The following ILRUN variants were observed in gnomAD, a reference collection of about 807,000 sequenced individuals.
ILRUN encodes protein ILRUN.
ILRUN carries 3 observed loss-of-function variants against 33.8 expected under a neutral mutation model. The ratio of observed to expected loss-of-function variants is 0.09; its 90% confidence interval spans 0.04 to 0.23. ILRUN has a LOEUF of 0.23. Ranked by LOEUF, ILRUN falls within the 10% of genes least tolerant of loss-of-function variation. The probability of loss-of-function intolerance (pLI) is 1.00; values close to 1 mark genes in which losing one functional copy is unlikely to be tolerated. For synonymous variants in ILRUN, 124 were observed against 138.9 expected (o/e 0.89, Z 0.75); for missense variants, 210 against 375.1 (o/e 0.56, Z 3.64).
chr6:34,695,026 G>C (rs1387894046), intron 1 of ILRUN, among the ~76,000 whole-genome samples: 2 of 136,424 alleles, frequency 1.5e-5, no homozygotes, highest in Non-Finnish European at 3.0e-5. Context: ...ACTCCAGCCT[G>C]AGCGACAGAG....
At chr6:34,596,037 C>T (rs1761392863) in intron 4 of ILRUN, 3 of 666,720 alleles carry the variant, frequency 4.5e-6, no homozygotes, top group Admixed American at 1.3e-4. Context: ...GCCCTGCTCA[C>T]AGGCCTGGCC....
chr6:34,624,459 G>C (rs546262335), intron 3 of ILRUN, among the ~76,000 whole-genome samples: 2 of 152,136 alleles, frequency 1.3e-5, no homozygotes, highest in African/African-American at 4.8e-5. Context: ...AAGTAGCTGG[G>C]ATTGCAGGCA....
chr6:34,591,885 G>A (rs1761301010), intron 4 of ILRUN, among the ~76,000 whole-genome samples: 3 of 152,080 alleles, frequency 2.0e-5, no homozygotes, highest in East Asian at 1.9e-4. Flanking sequence ...TTCTTCCCAC[G>A]CTAGCTCTCC....
intron 3 of ILRUN, among the ~76,000 whole-genome samples, chr6:34,645,614 C>T (rs1762550464): frequency 6.6e-6 from 1 of 152,168 alleles, no homozygotes; most frequent in Non-Finnish European, 1.5e-5. Context: ...TCATGCAATT[C>T]TCCCACTTCA....
At chr6:34,677,029 G>T (rs946603396) in intron 1 of ILRUN, among the ~76,000 whole-genome samples, 3 of 151,772 alleles carry the variant, frequency 2.0e-5, no homozygotes, top group Admixed American at 1.3e-4. Context: ...ATTGAAGGCT[G>T]GGCACAGTGG....
intron 3 of ILRUN, among the ~76,000 whole-genome samples, chr6:34,608,936 A>C (rs1761688267): frequency 2.0e-5 from 3 of 152,220 alleles, no homozygotes; most frequent in Admixed American, 2.0e-4. Flanking sequence ...GAAGGTTTTC[A>C]AAAAGCAAAA....
chr6:34,623,069 G>A (rs1347232654), intron 3 of ILRUN, among the ~76,000 whole-genome samples: 1 of 152,184 alleles, frequency 6.6e-6, no homozygotes, highest in African/African-American at 2.4e-5. Context: ...TAGAATGGCG[G>A]TTTCCAATGG....
At chr6:34,694,716 TTAAAGA>T (rs1272798919) in intron 1 of ILRUN, among the ~76,000 whole-genome samples, 1 of 151,982 alleles carries the variant, frequency 6.6e-6, no homozygotes, top group Non-Finnish European at 1.5e-5. Flanking sequence ...ATAATTGACC[TTAAAGA>T]TAAAATAGTA....
chr6:34,592,963 G>A lies in ILRUN; in HGVS notation c.862-2363C>T, dbSNP rs1232204736. On this transcript the variant is annotated intron_variant, in intron 4 of 4. Transcript: ENST00000374023. The surrounding 1 kb of genome is among the most constrained non-coding windows in gnomAD (Gnocchi z 4.0). Reference sequence around the variant, plus strand: ...CCCAGGCGGGAGAACTGCTTGAGGTGAGGAGTTAGGAGATCAGTATGGGTA... The same window carrying A: ...CCCAGGCGGGAGAACTGCTTGAGGTAAGGAGTTAGGAGATCAGTATGGGTA... 6.6e-6 allele frequency among the ~76,000 whole-genome samples: 1 copy of A among 152,154 alleles called. No individual in the cohort carries two copies. The highest frequency in any genetic ancestry group is 2.4e-5 in the African/African-American group (1 of 41,436).
At chr6:34,682,041 C>CTTTTTTTTTTTTTTT (rs552894159) in intron 1 of ILRUN, among the ~76,000 whole-genome samples, 5 of 90,560 alleles carry the variant, frequency 5.5e-5, no homozygotes, top group East Asian at 3.8e-4. Flanking sequence ...TATTTTTTTA[C>CTTTTTTTTTTTTTTT]TTTTTTTTTT....
chr6:34,628,490 G>A (rs1439184842), intron 3 of ILRUN, among the ~76,000 whole-genome samples: 2 of 151,880 alleles, frequency 1.3e-5, no homozygotes, highest in African/African-American at 2.4e-5. Context: ...CTGCCACCAC[G>A]CCTGGCTAAT....
chr6:34,645,148 A>G (rs982914390), intron 3 of ILRUN, among the ~76,000 whole-genome samples: 1 of 152,078 alleles, frequency 6.6e-6, no homozygotes, highest in African/African-American at 2.4e-5. Flanking sequence ...TCTAGAAACA[A>G]CTCCAAAGTT....
chr6:34,696,619 C>G lies in ILRUN; in HGVS notation c.-16G>C, dbSNP rs775316658. 5 of 1,579,740 alleles carry G rather than the reference C, an allele frequency of 3.2e-6. No individual in the cohort carries two copies. Among genetic ancestry groups the G allele is most frequent in the Non-Finnish European group, 4.3e-6 (5 of 1,166,370 alleles). ...TGCCCTCCATGGCGGGGACCGGACA[C>G]CCGCTTCCCCGCCTCTTCACAACCA... is the stretch of plus-strand genomic sequence containing the variant. On this transcript the variant is annotated 5_prime_UTR_variant, in exon 1 of 5. Coordinates refer to ENST00000374023, the MANE Select transcript of ILRUN (RefSeq NM_024294.4).
intron 2 of ILRUN, among the ~76,000 whole-genome samples, chr6:34,648,405 G>T (rs1398455548): frequency 6.6e-6 from 1 of 152,124 alleles, no homozygotes; most frequent in East Asian, 1.9e-4. Context: ...CTACTCCTGA[G>T]ATCTCAGCTC....
chr6:34,679,374 C>G (rs963153202), intron 1 of ILRUN, among the ~76,000 whole-genome samples: 2 of 151,828 alleles, frequency 1.3e-5, no homozygotes, highest in African/African-American at 2.4e-5. Flanking sequence ...TATATTTAGC[C>G]CAGCAATCCT....
At position 34,696,767 on chromosome 6, in the gene ILRUN, T is replaced by A; in HGVS notation, c.-164A>T. On this transcript the variant is annotated 5_prime_UTR_variant, in exon 1 of 5. Coordinates refer to ENST00000374023, the MANE Select transcript of ILRUN (RefSeq NM_024294.4). The stretch of plus-strand genomic sequence containing the variant: ...CAGTCTCATAGGGGTAAACTCACTC[T>A]GCCACTCACTCACTCTCCCCCCCCT... 2.0e-6 allele frequency: 1 copy of A among 506,202 alleles called. No homozygotes were observed. The highest frequency in any genetic ancestry group is 3.4e-6 in the Non-Finnish European group (1 of 292,920). The allele number at this position is 506,202 out of a possible 1,614,324, so 31.4% of individuals were successfully genotyped here. A position where few individuals can be genotyped will look rare whatever the true frequency, so the allele number is the denominator to read the frequency against.
intron 1 of ILRUN, among the ~76,000 whole-genome samples, chr6:34,689,217 C>T (rs1353891861): frequency 6.6e-6 from 1 of 151,850 alleles, no homozygotes; most frequent in Non-Finnish European, 1.5e-5. Flanking sequence ...ACACGTAATC[C>T]CAAGTACTCA....
chr6:34,618,393 T>A (rs1325188054), intron 3 of ILRUN, among the ~76,000 whole-genome samples: 2 of 152,200 alleles, frequency 1.3e-5, no homozygotes, highest in Non-Finnish European at 2.9e-5. Flanking sequence ...ACCCAATTGC[T>A]AAACTGCCCT....
intron 3 of ILRUN, among the ~76,000 whole-genome samples, chr6:34,613,000 G>A (rs375019346): frequency 2.0e-5 from 3 of 151,236 alleles, no homozygotes; most frequent in Non-Finnish European, 4.4e-5. Context: ...CCGAGATTGC[G>A]CCACTGCACT....
Sources: allele counts gnomAD v4.1 joint callset (sites outside exome capture counted in the v4.1 genomes callset), GRCh38; gene constraint gnomAD v4.1.1; non-coding constraint Gnocchi (gnomAD v3.1); transcripts MANE v1.5; gene names NCBI Gene and HGNC (gene_info 2026-07-23, HGNC 2026-07-21).